Variants in CPEB3 observed in about 807,000 individuals in gnomAD.
CPEB3 encodes the protein cytoplasmic polyadenylation element binding protein 3.
In CPEB3, 20 loss-of-function variants were observed where a neutral mutation model predicts 67.2. The ratio of observed to expected loss-of-function variants is 0.30; its 90% confidence interval spans 0.21 to 0.43. CPEB3 has a LOEUF of 0.43. Ranked by LOEUF, CPEB3 falls within the 20% of genes least tolerant of loss-of-function variation. The pLI, the probability that CPEB3 is intolerant of heterozygous loss-of-function variation, is 1.00. For missense variants in CPEB3, 746 were observed against 968.6 expected (o/e 0.77, Z 3.05); for synonymous variants, 376 against 393.1 (o/e 0.96, Z 0.51).
intron 1 of CPEB3, among the ~76,000 whole-genome samples, chr10:92,250,904 G>A (rs1320747488): frequency 7.8e-6 from 1 of 128,106 alleles, no homozygotes; most frequent in Non-Finnish European, 1.6e-5. Flanking sequence ...TAGAGATGGA[G>A]TTTCACTCCC....
At chr10:92,286,987 C>T (rs1842557595) in intron 1 of CPEB3, among the ~76,000 whole-genome samples, 1 of 152,180 alleles carries the variant, frequency 6.6e-6, no homozygotes, top group Admixed American at 6.5e-5. Flanking sequence ...CATCATCAAG[C>T]TTTGTTCTTG....
intron 2 of CPEB3, among the ~76,000 whole-genome samples, chr10:92,197,904 C>T (rs1278979013): frequency 8.5e-5 from 13 of 152,174 alleles, no homozygotes; most frequent in African/African-American, 3.1e-4. Flanking sequence ...GTCGGGAGTT[C>T]GAGACCAGCC....
At chr10:92,283,227 G>T (rs533013920) in intron 1 of CPEB3, among the ~76,000 whole-genome samples, 4 of 152,054 alleles carry the variant, frequency 2.6e-5, no homozygotes, top group Admixed American at 2.0e-4. Context: ...CTCCAGCCTG[G>T]GTGACAGTGA....
chr10:92,215,344 G>T (rs1354326893), intron 2 of CPEB3, among the ~76,000 whole-genome samples: 1 of 150,112 alleles, frequency 6.7e-6, no homozygotes, highest in Non-Finnish European at 1.5e-5. Context: ...AGTAGAGATG[G>T]GGTTTCACCA....
intron 3 of CPEB3, among the ~76,000 whole-genome samples, chr10:92,190,636 G>A (rs1251003565): frequency 7.9e-6 from 1 of 126,742 alleles, no homozygotes; most frequent in Non-Finnish European, 1.6e-5. Context: ...TTGCACTCCA[G>A]CCTGGGCAAC....
intron 2 of CPEB3, among the ~76,000 whole-genome samples, chr10:92,211,812 G>C (rs1438464296): frequency 1.3e-5 from 2 of 151,724 alleles, no homozygotes; most frequent in African/African-American, 4.8e-5. Context: ...CAAAGTGCTA[G>C]AATTATGGGC....
intron 1 of CPEB3, 21 bp from the exon 2 acceptor site, chr10:92,240,382 G>T (rs1156413196): frequency 7.0e-7 from 1 of 1,438,118 alleles, no homozygotes; most frequent in South Asian, 1.5e-5. Flanking sequence ...AAAAAAGAGA[G>T]ACGCGTTATT....
intron 1 of CPEB3, among the ~76,000 whole-genome samples, chr10:92,246,339 C>CAA (rs987927236): frequency 8.7e-6 from 1 of 114,858 alleles, no homozygotes; most frequent in Non-Finnish European, 1.9e-5. Context: ...GTCTCAAAAA[C>CAA]AAAAAAAAAA....
intron 2 of CPEB3, among the ~76,000 whole-genome samples, chr10:92,206,977 A>G (rs1341712637): frequency 6.6e-6 from 1 of 151,572 alleles, no homozygotes; most frequent in Non-Finnish European, 1.5e-5. Flanking sequence ...GAGAAGGTAC[A>G]CTTCTTTTTT....
At chr10:92,221,205 C>T (rs1408754910) in intron 2 of CPEB3, among the ~76,000 whole-genome samples, 1 of 152,194 alleles carries the variant, frequency 6.6e-6, no homozygotes, top group East Asian at 1.9e-4. Flanking sequence ...TGAATCAAAA[C>T]TTTCAGGCCA....
intron 6 of CPEB3, among the ~76,000 whole-genome samples, chr10:92,120,021 G>T (rs1360976087): frequency 6.9e-6 from 1 of 144,458 alleles, no homozygotes; most frequent in Non-Finnish European, 1.5e-5. Context: ...TTGGGAGGCT[G>T]AGGCGGGCGG....
At chr10:92,053,204 C>T (rs1376466743) in intron 9 of CPEB3, among the ~76,000 whole-genome samples, 4 of 152,140 alleles carry the variant, frequency 2.6e-5, no homozygotes, top group Non-Finnish European at 4.4e-5. Flanking sequence ...CTTCAATAGA[C>T]GACAACTTTT....
At chr10:92,280,595 G>A (rs1309470946) in intron 1 of CPEB3, among the ~76,000 whole-genome samples, 1 of 147,366 alleles carries the variant, frequency 6.8e-6, no homozygotes, top group Non-Finnish European at 1.5e-5. Context: ...GGCGGTACAT[G>A]CCCGTAGTCC....
At chr10:92,257,339 G>C (rs940021963) in intron 1 of CPEB3, among the ~76,000 whole-genome samples, 1 of 152,058 alleles carries the variant, frequency 6.6e-6, no homozygotes, top group Non-Finnish European at 1.5e-5. Context: ...CTGTCTCCCA[G>C]GTTGGAGTGC....
chr10:92,180,231 A>T (rs953264599), intron 4 of CPEB3, among the ~76,000 whole-genome samples: 2 of 152,164 alleles, frequency 1.3e-5, no homozygotes, highest in Admixed American at 1.3e-4. Context: ...TTGATCAAAC[A>T]ATTATACTGA....
intron 6 of CPEB3, among the ~76,000 whole-genome samples, chr10:92,140,093 G>C (rs954129122): frequency 1.3e-5 from 2 of 149,366 alleles, no homozygotes; most frequent in African/African-American, 4.9e-5. Context: ...AAAAAATCAA[G>C]CTACCAATGA....
chr10:92,251,556 C>G (rs557705986), intron 1 of CPEB3, among the ~76,000 whole-genome samples: 1 of 151,972 alleles, frequency 6.6e-6, no homozygotes, highest in African/African-American at 2.4e-5. Flanking sequence ...AATGAAAAGA[C>G]GAAGCAGTAA....
At chr10:92,226,520 T>C (rs1054062394) in intron 2 of CPEB3, among the ~76,000 whole-genome samples, 15 of 152,206 alleles carry the variant, frequency 9.9e-5, no homozygotes, top group Non-Finnish European at 7.3e-5. Context: ...ATGTAGATCA[T>C]AAACACACTC....
At chr10:92,250,694 T>C (rs1259198759) in intron 1 of CPEB3, among the ~76,000 whole-genome samples, 1 of 151,630 alleles carries the variant, frequency 6.6e-6, no homozygotes. Context: ...TACCATTTTT[T>C]GTTTGTTTGT....
Sources: allele counts gnomAD v4.1 joint callset (sites outside exome capture counted in the v4.1 genomes callset), GRCh38; gene constraint gnomAD v4.1.1; transcripts MANE v1.5; gene names NCBI Gene and HGNC (gene_info 2026-07-23, HGNC 2026-07-21).